Variants in NELL2 observed in about 807,000 individuals in gnomAD.
NELL2 encodes the protein neural EGFL like 2.
Under a neutral mutation model 109.6 loss-of-function variants are expected in NELL2, and 41 were observed. That is an observed-to-expected ratio of 0.37 (90% CI 0.29 to 0.49). The LOEUF (loss-of-function observed/expected upper bound fraction) is 0.49, where lower values mean the gene tolerates loss of function less well. NELL2 is among the 20% of genes least tolerant of loss of function. NELL2 has a pLI of 0.98. For missense variants in NELL2, 900 were observed against 1,008.3 expected, an observed-to-expected ratio of 0.89 and a Z score of 1.45; for synonymous variants, 355 against 344.7, an observed-to-expected ratio of 1.03 and a Z score of -0.33.
At chr12:44,713,656 A>C (rs954076959) in intron 10 of NELL2, among the ~76,000 whole-genome samples, 1 of 151,956 alleles carries the variant, frequency 6.6e-6, no homozygotes, top group Admixed American at 6.6e-5. Context: ...CAGAGCTTTC[A>C]TGTTCTAGAA....
At chr12:44,670,812 A>AT (rs1188648076) in intron 12 of NELL2, among the ~76,000 whole-genome samples, 5 of 152,118 alleles carry the variant, frequency 3.3e-5, no homozygotes, top group African/African-American at 1.2e-4. Context: ...AGAAAATACT[A>AT]TTATAGCTAA....
intron 2 of NELL2, among the ~76,000 whole-genome samples, chr12:44,829,208 AATG>A (rs975542750): frequency 6.6e-6 from 1 of 152,098 alleles, no homozygotes; most frequent in Non-Finnish European, 1.5e-5. Context: ...AAATAAGAAG[AATG>A]ATGATAAGTG....
At chr12:44,775,212 C>A (rs1021570709) in intron 8 of NELL2, among the ~76,000 whole-genome samples, 1 of 146,408 alleles carries the variant, frequency 6.8e-6, no homozygotes, top group African/African-American at 2.8e-5. Flanking sequence ...ATCATGCACA[C>A]GAACATGCAC....
chr12:44,905,824 T>C (rs1046531741), intron 1 of NELL2, among the ~76,000 whole-genome samples: 5 of 150,532 alleles, frequency 3.3e-5, no homozygotes, highest in Admixed American at 3.3e-4. Context: ...ATACATATAT[T>C]CATTTAATTA....
chr12:44,579,563 T>G (rs187294422), intron 15 of NELL2, among the ~76,000 whole-genome samples: 1 of 152,266 alleles, frequency 6.6e-6, no homozygotes, highest in African/African-American at 2.4e-5. Flanking sequence ...AAATTTATAT[T>G]CCCAGCTTTT....
intron 8 of NELL2, among the ~76,000 whole-genome samples, chr12:44,775,249 G>A (rs575451834): frequency 3.4e-4 from 50 of 148,080 alleles, no homozygotes; most frequent in African/African-American, 1.1e-3. Flanking sequence ...GCATGTGCGT[G>A]CGCACGCACA....
At chr12:44,847,379 T>A (rs938781098) in intron 2 of NELL2, among the ~76,000 whole-genome samples, 3 of 152,336 alleles carry the variant, frequency 2.0e-5, no homozygotes, top group South Asian at 4.1e-4. Context: ...ATCCTATTAA[T>A]ATTTATTGTT....
At chr12:44,651,979 G>A (rs1272916684) in intron 13 of NELL2, among the ~76,000 whole-genome samples, 2 of 152,092 alleles carry the variant, frequency 1.3e-5, no homozygotes, top group African/African-American at 4.8e-5. Context: ...TGAAAATCTG[G>A]CTGGAAATCC....
chr12:44,744,699 C>G (rs989874433), intron 9 of NELL2, among the ~76,000 whole-genome samples: 27 of 152,206 alleles, frequency 1.8e-4, no homozygotes, highest in Admixed American at 4.6e-4. Flanking sequence ...ACTAGAAAAT[C>G]TAGAAGAAAT....
chr12:44,698,555 T>C (rs1407006156), intron 12 of NELL2, among the ~76,000 whole-genome samples: 1 of 151,998 alleles, frequency 6.6e-6, no homozygotes, highest in Non-Finnish European at 1.5e-5. Flanking sequence ...ACAGGTGACA[T>C]GAAGTGAAAA....
chr12:44,759,066 G>T (rs879379033), intron 9 of NELL2, among the ~76,000 whole-genome samples: 1 of 152,148 alleles, frequency 6.6e-6, no homozygotes, highest in Non-Finnish European at 1.5e-5. Flanking sequence ...GAATCATGTT[G>T]CTGAGGTCAA....
In NELL2 at chr12:44,904,739, A is replaced by G. The variant is rs573443317; in HGVS notation, c.38+9060T>C. The stretch of plus-strand genomic sequence containing the variant: ...CATATTTAAAATCAAATGTTACACA[A>G]TTTATTTTCTAATCCTCCTCAAAGC... On this transcript the variant is annotated intron_variant, in intron 1 of 20. Transcript: ENST00000333837. Among the ~76,000 whole-genome samples the G allele has an allele frequency of 3.9e-5, 6 of 152,254 alleles. No individual in the cohort carries two copies. In the South Asian group the frequency reaches 1.0e-3, roughly 26 times the overall value.
intron 15 of NELL2, among the ~76,000 whole-genome samples, chr12:44,568,876 C>CT (rs566689675): frequency 1.3e-3 from 199 of 151,806 alleles, no homozygotes; most frequent in African/African-American, 4.6e-3. Flanking sequence ...GAACTACTTT[C>CT]TTTTTTTTAA....
chr12:44,819,828 T>C (rs1194313688), intron 2 of NELL2, among the ~76,000 whole-genome samples: 1 of 152,198 alleles, frequency 6.6e-6, no homozygotes, highest in Non-Finnish European at 1.5e-5. Context: ...CTGCTTATGC[T>C]ACAGGGATAA....
chr12:44,624,914 A>G (rs1359784703), intron 13 of NELL2, among the ~76,000 whole-genome samples: 1 of 151,172 alleles, frequency 6.6e-6, no homozygotes, highest in African/African-American at 2.4e-5. Context: ...AGTGAAAAAC[A>G]GAATAATGGA....
chr12:44,828,288 A>T (rs1943779279), intron 2 of NELL2, among the ~76,000 whole-genome samples: 1 of 152,092 alleles, frequency 6.6e-6, no homozygotes, highest in South Asian at 2.1e-4. Flanking sequence ...TAATGATGCC[A>T]CTTCCTCTCC....
chr12:44,595,314 T>A (rs1398821736), intron 15 of NELL2, among the ~76,000 whole-genome samples: 1 of 152,198 alleles, frequency 6.6e-6, no homozygotes, highest in African/African-American at 2.4e-5. Context: ...AGTGAAAAAG[T>A]AATTTATATT....
In NELL2 at chr12:44,543,829, T is replaced by C. The variant is rs189373443; in HGVS notation, c.1664-11108A>G. 8.9e-4 allele frequency among the ~76,000 whole-genome samples: 136 copies of C among 152,292 alleles called. 3 individuals are homozygous for C. The South Asian group carries it at 9.9e-3, about 11-fold the overall frequency. ...AATCCTCTGGCTGCAACCTCGAGGATCTTCACTTTCCCAACTCCTCCCTCA... is the reference window on the plus strand; with the variant it reads ...AATCCTCTGGCTGCAACCTCGAGGACCTTCACTTTCCCAACTCCTCCCTCA... On this transcript the variant is annotated intron_variant, in intron 15 of 19. Coordinates refer to ENST00000429094, the MANE Select transcript of NELL2 (RefSeq NM_001145108.2).
At chr12:44,522,231 G>GCA (rs753824569) in intron 17 of NELL2, 55 bp from the exon 18 acceptor site, 611 of 1,414,756 alleles carry the variant, frequency 4.3e-4, no homozygotes, top group African/African-American at 3.2e-3. Flanking sequence ...TCAGTAACAC[G>GCA]CACACACACA....
Sources: gnomAD v4.1 joint callset for allele counts (sites outside exome capture counted in the v4.1 genomes callset) on GRCh38, gnomAD v4.1.1 for gene constraint, MANE v1.5 for transcripts, NCBI Gene and HGNC (gene_info 2026-07-23, HGNC 2026-07-21) for gene names.